Variants in NLGN1 observed in about 807,000 individuals in gnomAD.
The protein encoded by NLGN1 is neuroligin 1.
A neutral mutation model predicts 65.5 loss-of-function variants in NLGN1; 12 were observed. That is an observed-to-expected ratio of 0.18 (90% CI 0.12 to 0.30). The LOEUF (loss-of-function observed/expected upper bound fraction) is 0.30. Ranked by LOEUF, NLGN1 falls within the 10% of genes least tolerant of loss-of-function variation. The pLI is 1.00. For synonymous variants in NLGN1, 350 were observed against 359.5 expected (o/e 0.97, Z 0.30); for missense variants, 750 against 1,007.1 (o/e 0.74, Z 3.46).
At chr3:173,716,300 A>G (rs1769837715) in intron 3 of NLGN1, among the ~76,000 whole-genome samples, 2 of 152,174 alleles carry the variant, frequency 1.3e-5, no homozygotes, top group Non-Finnish European at 2.9e-5. Context: ...TTTTACTTAG[A>G]CAAATGAGTG....
At chr3:173,581,649 C>G (rs759532480) in intron 2 of NLGN1, among the ~76,000 whole-genome samples, 13 of 151,610 alleles carry the variant, frequency 8.6e-5, no homozygotes, top group Non-Finnish European at 1.9e-4. Flanking sequence ...AAATAAGCAC[C>G]ATTCCATTTA....
At chr3:173,977,546 C>T (rs1044101728) in intron 4 of NLGN1, among the ~76,000 whole-genome samples, 3 of 151,978 alleles carry the variant, frequency 2.0e-5, no homozygotes, top group Admixed American at 2.0e-4. Flanking sequence ...AGATTTTAAG[C>T]AGGAATTAAC....
rs116026039 is a variant in NLGN1 at position 173,625,507 on chromosome 3, G to T, written c.493+20416G>T. ...GCACTTTTCCAAATAATTTCCAAGG[G>T]CATGTGGAAAAGTGGAGAAAGTCTC... On this transcript the variant is annotated intron_variant, in intron 3 of 6. Coordinates refer to ENST00000457714, the Ensembl canonical transcript of NLGN1. Among the ~76,000 whole-genome samples the T allele has an allele frequency of 4.2e-3, 635 of 152,188 alleles. 2 individuals are homozygous for T. The highest frequency in any genetic ancestry group is 7.3e-3 in the Non-Finnish European group (497 of 67,990).
chr3:174,293,363 A>G, the NLGN1 span, among the ~76,000 whole-genome samples: 1 of 151,590 alleles, frequency 6.6e-6, no homozygotes, highest in Admixed American at 6.6e-5. Flanking sequence ...TAAAATAAAT[A>G]GGATTGTAAT....
chr3:173,430,731 C>G (rs1717021365), intron 1 of NLGN1, among the ~76,000 whole-genome samples: 2 of 152,200 alleles, frequency 1.3e-5, no homozygotes, highest in South Asian at 4.1e-4. Context: ...AGTTCTCACT[C>G]TTAGTTCCTT....
At chr3:174,152,237 TTATGTC>T (rs1488184788) in intron 4 of NLGN1, among the ~76,000 whole-genome samples, 2 of 152,282 alleles carry the variant, frequency 1.3e-5, no homozygotes, top group Middle Eastern at 3.4e-3. Context: ...GGAAAAAAGT[TTATGTC>T]TATATCTATA....
chr3:173,713,173 A>T (rs1769278280), intron 3 of NLGN1, among the ~76,000 whole-genome samples: 1 of 152,194 alleles, frequency 6.6e-6, no homozygotes, highest in Non-Finnish European at 1.5e-5. Flanking sequence ...TTTCCAAAAA[A>T]TGGCTCTCAC....
At chr3:173,680,720 G>A (rs1763832595) in intron 3 of NLGN1, among the ~76,000 whole-genome samples, 2 of 152,080 alleles carry the variant, frequency 1.3e-5, no homozygotes, top group South Asian at 4.1e-4. Context: ...AGAGGACATT[G>A]GTTGACAAGT....
At chr3:173,639,399 G>A (rs947141614) in intron 3 of NLGN1, among the ~76,000 whole-genome samples, 1 of 152,134 alleles carries the variant, frequency 6.6e-6, no homozygotes, top group African/African-American at 2.4e-5. Flanking sequence ...ATCTCTGACC[G>A]CTGGGAGAAC....
chr3:174,052,308 G>A (rs148123513), intron 4 of NLGN1, among the ~76,000 whole-genome samples: 168 of 151,990 alleles, frequency 1.1e-3, no homozygotes, highest in African/African-American at 4.0e-3. Context: ...CCTTTTGATA[G>A]CATGTTCTAC....
intron 4 of NLGN1, among the ~76,000 whole-genome samples, chr3:174,080,977 C>A (rs116045810): frequency 1.4e-5 from 2 of 145,036 alleles, no homozygotes; most frequent in African/African-American, 5.4e-5. Context: ...GAAGCGCTCT[C>A]CTGCCCTGCT....
intron 3 of NLGN1, among the ~76,000 whole-genome samples, chr3:173,608,519 A>G (rs1202359980): frequency 1.3e-5 from 2 of 151,512 alleles, no homozygotes; most frequent in African/African-American, 4.8e-5. Flanking sequence ...AGAAAAGTAT[A>G]TTACTCTGTC....
At chr3:173,804,657 C>CCA (rs1716225269) in intron 3 of NLGN1, among the ~76,000 whole-genome samples, 1 of 138,026 alleles carries the variant, frequency 7.2e-6, no homozygotes, top group African/African-American at 2.7e-5. Context: ...CTATTTACAT[C>CCA]AAAAAAAAAA....
intron 2 of NLGN1, among the ~76,000 whole-genome samples, chr3:173,448,571 C>A (rs1720840574): frequency 6.6e-6 from 1 of 152,152 alleles, no homozygotes; most frequent in South Asian, 2.1e-4. Context: ...ATGATGCTGG[C>A]CTCATAAAAT....
intron 1 of NLGN1, among the ~76,000 whole-genome samples, chr3:173,414,140 G>A (rs1159635544): frequency 4.6e-5 from 7 of 152,104 alleles, no homozygotes; most frequent in Non-Finnish European, 7.4e-5. Context: ...GGCATGTCTG[G>A]TACCGAAAAA....
intron 2 of NLGN1, among the ~76,000 whole-genome samples, chr3:173,454,859 C>A (rs532682784): frequency 5.1e-4 from 77 of 152,164 alleles, no homozygotes; most frequent in Non-Finnish European, 8.4e-4. Context: ...AGGCTTACTT[C>A]CAACTTTTGA....
intron 4 of NLGN1, among the ~76,000 whole-genome samples, chr3:174,024,158 A>C (rs944696721): frequency 1.3e-5 from 2 of 151,758 alleles, no homozygotes; most frequent in Admixed American, 6.6e-5. Flanking sequence ...AAAAAAAAAA[A>C]AAAAAAAACA....
At chr3:173,818,895 C>CTTTTTTTTTTTTT (rs200212547) in intron 4 of NLGN1, among the ~76,000 whole-genome samples, 7,844 of 91,864 alleles carry the variant, frequency 0.085, 1,646 homozygotes, top group Non-Finnish European at 0.098. Context: ...TTGAATAGTT[C>CTTTTTTTTTTTTT]TTTTTTTTTT....
rs146304784 is a variant in NLGN1 at position 173,683,060 on chromosome 3, C to A, written c.493+77969C>A. ...TCATCATAGGACATTCTGTATACAGCGTGCATTTTTGTGGTTAGTTTTAAA... is the reference window on the plus strand; with the variant it reads ...TCATCATAGGACATTCTGTATACAGAGTGCATTTTTGTGGTTAGTTTTAAA... On this transcript the variant is annotated intron_variant, in intron 3 of 6. Coordinates refer to ENST00000457714, the Ensembl canonical transcript of NLGN1. Among the ~76,000 whole-genome samples, 3 of 152,206 alleles carry A rather than the reference C, an allele frequency of 2.0e-5. No individual in the cohort carries two copies. In the South Asian group the frequency reaches 6.2e-4, roughly 32 times the overall value.
Sources: allele counts gnomAD v4.1 joint callset (sites outside exome capture counted in the v4.1 genomes callset), GRCh38; gene constraint gnomAD v4.1.1; transcripts MANE v1.5; gene names NCBI Gene and HGNC (gene_info 2026-07-23, HGNC 2026-07-21).